WDFY4: variants seen among roughly 807,000 people sequenced by gnomAD.
WDFY4 encodes the protein WD repeat- and FYVE domain-containing protein 4.
In WDFY4, 169 loss-of-function variants were observed where a neutral mutation model predicts 351.9. That is an observed-to-expected ratio of 0.48 (90% CI 0.42 to 0.55). The LOEUF is 0.55. Ranked by LOEUF, WDFY4 falls within the 20% of genes least tolerant of loss-of-function variation. The pLI is 0.00. For synonymous variants in WDFY4, 1,622 were observed against 1,574.6 expected (o/e 1.03, Z -0.71); for missense variants, 3,803 against 3,935.6 (o/e 0.97, Z 0.90).
chr10:48,744,508 T>C (rs932974980), intron 12 of WDFY4, among the ~76,000 whole-genome samples: 8 of 152,240 alleles, frequency 5.3e-5, no homozygotes, highest in Non-Finnish European at 1.0e-4. Context: ...GATGTACTAA[T>C]GTTTAAAAAG....
At chr10:48,872,696 G>A (rs1037673853) in intron 40 of WDFY4, among the ~76,000 whole-genome samples, 1 of 152,164 alleles carries the variant, frequency 6.6e-6, no homozygotes, top group Non-Finnish European at 1.5e-5. Context: ...CTTTAATGTG[G>A]TCTATAAATG....
In WDFY4 at chr10:48,725,897, G is replaced by A; in HGVS notation, c.608G>A (p.Cys203Tyr). ...KMFVQMLLNI[C>Y]SDSQGLEGLL... ...ATTTTTCAGATGTTGCTCAATATTT[G>A]CAGTGACTCTCAGGGCCTGGAGGGA... Residue 203 changes from cysteine to tyrosine, a missense_variant, in exon 6 of 62, where the codon TGC becomes TAC. Transcript: ENST00000325239. 6.5e-7 allele frequency: 1 copy of A among 1,544,780 alleles called. No homozygotes were observed. The highest frequency in any genetic ancestry group is 8.8e-7 in the Non-Finnish European group (1 of 1,141,298).
In WDFY4 at chr10:48,790,724, C is replaced by T; in HGVS notation, c.4067-3C>T. Reference sequence around the variant, plus strand: ...GATGAAATGCCCACTTTATGCCACACAGGGGTGAGGGTATTCCACTCCAGC... The same window carrying T: ...GATGAAATGCCCACTTTATGCCACATAGGGGTGAGGGTATTCCACTCCAGC... On this transcript the variant is annotated splice_region_variant and splice_polypyrimidine_tract_variant and intron_variant, in intron 22 of 61. Coordinates refer to ENST00000325239, the MANE Select transcript of WDFY4 (RefSeq NM_001394531.1). 1 of 1,551,452 alleles carries T rather than the reference C, an allele frequency of 6.4e-7. No individual in the cohort carries two copies. The highest frequency in any genetic ancestry group is 1.4e-5 in the African/African-American group (1 of 73,170).
At chr10:48,714,508 G>A (rs938690223) in intron 2 of WDFY4, among the ~76,000 whole-genome samples, 3 of 152,198 alleles carry the variant, frequency 2.0e-5, no homozygotes, top group Non-Finnish European at 4.4e-5. Flanking sequence ...TTCCTGCCAA[G>A]AGCCTTGGGG....
At chr10:48,729,058 T>C (rs2064365679) in intron 7 of WDFY4, among the ~76,000 whole-genome samples, 1 of 152,212 alleles carries the variant, frequency 6.6e-6, no homozygotes. Context: ...CACAAGGAAG[T>C]CCGACTATTT....
chr10:48,975,113 G>A (rs1842509962), intron 58 of WDFY4, 72 bp downstream of exon 58: 1 of 1,545,634 alleles, frequency 6.5e-7, no homozygotes, highest in African/African-American at 1.4e-5. Context: ...TCAGGAGAAA[G>A]CCCAGAGACA....
chr10:48,910,917 C>T (rs1034325860), intron 47 of WDFY4: 2 of 985,114 alleles, frequency 2.0e-6, no homozygotes, highest in Non-Finnish European at 2.4e-6. Flanking sequence ...CTCTTAACTT[C>T]TCTCCTTTGC....
At chr10:48,967,029 C>T (rs2131821342) in intron 55 of WDFY4, 1 of 198,238 alleles carries the variant, frequency 5.0e-6, no homozygotes, top group Non-Finnish European at 1.0e-5. Flanking sequence ...CTTCTCTCCT[C>T]AAGAGACCAG....
At position 48,945,556 on chromosome 10, in the gene WDFY4, C is replaced by T. The variant is rs73296691; in HGVS notation, c.7750-484C>T. Among the ~76,000 whole-genome samples, 873 of 152,330 alleles carry T rather than the reference C, an allele frequency of 5.7e-3. 15 individuals are homozygous for T. The highest frequency in any genetic ancestry group is 0.02 in the African/African-American group (826 of 41,572). On this transcript the variant is annotated intron_variant, in intron 49 of 61. Transcript: ENST00000325239. ...TATATTCCAAGAGAGGGAAGGGGCG[C>T]TCACAGCATGCTTTCACTGCCCAGA...
intron 39 of WDFY4, among the ~76,000 whole-genome samples, chr10:48,863,662 A>G (rs1286287013): frequency 6.6e-6 from 1 of 152,016 alleles, no homozygotes; most frequent in Admixed American, 6.5e-5. Context: ...TTACTTTCTA[A>G]TAGTGTCTTT....
At chr10:48,800,724 TTCTTTC>T (rs1374126766) in intron 24 of WDFY4, among the ~76,000 whole-genome samples, 11 of 111,778 alleles carry the variant, frequency 9.8e-5, no homozygotes, top group African/African-American at 4.0e-4. Context: ...CTTTCTTTCA[TTCTTTC>T]TTTTTTTTTT....
rs2065617572 is a variant in WDFY4 at position 48,764,818 on chromosome 10, G to A, written c.2553+4378G>A. 2.0e-5 allele frequency among the ~76,000 whole-genome samples: 3 copies of A among 152,250 alleles called. No individual in the cohort carries two copies. In the South Asian group the frequency reaches 6.2e-4, roughly 32 times the overall value. ...CACAGGACCTGTAATCTGGGTTTGA[G>A]GATGGGAGGCAGGGAAGTGTAGAAG... On this transcript the variant is annotated intron_variant, in intron 13 of 61. Transcript: ENST00000325239.
chr10:48,802,984 T>C lies in WDFY4; in HGVS notation c.4411-302T>C, dbSNP rs141058855. Among the ~76,000 whole-genome samples the C allele has an allele frequency of 2.3e-3, 343 of 152,342 alleles. 1 individual carries two copies. The highest frequency in any genetic ancestry group is 3.3e-3 in the Non-Finnish European group (227 of 68,026). On this transcript the variant is annotated intron_variant, in intron 24 of 61. Coordinates refer to ENST00000325239, the MANE Select transcript of WDFY4 (RefSeq NM_001394531.1). ...TGAGATGAGTTTGCAATATGGACAC[T>C]TGGGCTGTGGGCCCAAGGCTGAGCA...
intron 60 of WDFY4, chr10:48,979,875 C>T (rs1285512731): frequency 2.0e-5 from 3 of 152,230 alleles, no homozygotes; most frequent in Admixed American, 6.5e-5. Flanking sequence ...AATGGGGACA[C>T]TTCCTGTGCA....
intron 1 of WDFY4, among the ~76,000 whole-genome samples, chr10:48,704,158 G>T (rs2063559171): frequency 6.6e-6 from 1 of 152,086 alleles, no homozygotes; most frequent in Non-Finnish European, 1.5e-5. Flanking sequence ...TGCAGGAAGG[G>T]CAGAGAGGGA....
chr10:48,759,458 G>T (rs1350969127), intron 12 of WDFY4, among the ~76,000 whole-genome samples: 1 of 152,154 alleles, frequency 6.6e-6, no homozygotes, highest in Non-Finnish European at 1.5e-5. Flanking sequence ...AAAGAGCAAT[G>T]GGAATTTTAC....
chr10:48,966,612 C>A lies in WDFY4; in HGVS notation c.8523C>A (p.Gly2841=). Residue 2841 remains glycine, a synonymous_variant, in exon 55 of 62, where the codon GGC becomes GGA. Coordinates refer to ENST00000325239, the MANE Select transcript of WDFY4 (RefSeq NM_001394531.1). ...TCTCCACCCCCGTGAGCCTGCCTGG[C>A]CACCCACAGCCCTTTTTCTACAGCC... ...KDVSTPVSLP[G]HPQPFFYSLQ... 1 of 1,551,942 alleles carries A rather than the reference C, an allele frequency of 6.4e-7. No homozygotes were observed. Among genetic ancestry groups the A allele is most frequent in the Non-Finnish European group, 8.7e-7 (1 of 1,147,038 alleles).
intron 39 of WDFY4, among the ~76,000 whole-genome samples, chr10:48,844,097 C>T (rs2068697989): frequency 6.6e-6 from 1 of 152,246 alleles, no homozygotes; most frequent in Non-Finnish European, 1.5e-5. Context: ...TTACAGCCGC[C>T]TTCTCGCCCT....
At chr10:48,754,004 A>G (rs772591222) in intron 12 of WDFY4, among the ~76,000 whole-genome samples, 2 of 151,784 alleles carry the variant, frequency 1.3e-5, no homozygotes, top group Non-Finnish European at 2.9e-5. Context: ...AATGCTCTTT[A>G]TGAGTCAAAT....
Sources: allele counts gnomAD v4.1 joint callset (sites outside exome capture counted in the v4.1 genomes callset), GRCh38; gene constraint gnomAD v4.1.1; transcripts MANE v1.5; gene names NCBI Gene and HGNC (gene_info 2026-07-23, HGNC 2026-07-21).